The following NOX3 variants were observed in gnomAD, a reference collection of about 807,000 sequenced individuals.
The protein encoded by NOX3 is NADPH oxidase 3.
NOX3 carries 74 observed loss-of-function variants against 76.7 expected under a neutral mutation model. That is an observed-to-expected ratio of 0.96 (90% CI 0.80 to 1.17). The LOEUF (loss-of-function observed/expected upper bound fraction) is 1.17, where lower values mean the gene tolerates loss of function less well. Ranked by LOEUF, NOX3 falls within the 50% of genes most tolerant of loss-of-function variation. The pLI, the probability that NOX3 is intolerant of heterozygous loss-of-function variation, is 0.00. For missense variants in NOX3, 695 were observed against 703.3 expected (o/e 0.99, Z 0.13); for synonymous variants, 263 against 261.1 (o/e 1.01, Z -0.07).
At chr6:155,426,227 C>T (rs1776753145) in intron 9 of NOX3, among the ~76,000 whole-genome samples, 1 of 152,190 alleles carries the variant, frequency 6.6e-6, no homozygotes, top group Non-Finnish European at 1.5e-5. Flanking sequence ...TGGAGGGAAG[C>T]AGCTCTGTTT....
chr6:155,417,854 G>C (rs1183361302), intron 10 of NOX3, among the ~76,000 whole-genome samples: 1 of 151,732 alleles, frequency 6.6e-6, no homozygotes, highest in African/African-American at 2.4e-5. Context: ...CTTTTTATTT[G>C]AATTATCTGT....
chr6:155,431,412 A>G (rs1413987241), intron 7 of NOX3, among the ~76,000 whole-genome samples: 1 of 105,006 alleles, frequency 9.5e-6, no homozygotes, highest in Non-Finnish European at 1.8e-5. Context: ...ATAAACACAG[A>G]AACACACACA....
chr6:155,445,863 CAT>C (rs1186172375), intron 4 of NOX3, among the ~76,000 whole-genome samples: 6 of 69,284 alleles, frequency 8.7e-5, no homozygotes, highest in South Asian at 6.7e-4. Flanking sequence ...TCTCTGCTGA[CAT>C]ATACATATAT....
intron 4 of NOX3, among the ~76,000 whole-genome samples, chr6:155,449,720 G>A (rs777100025): frequency 1.3e-4 from 20 of 152,194 alleles, no homozygotes; most frequent in Non-Finnish European, 2.9e-4. Flanking sequence ...TCAGCTTACA[G>A]GGGAACGGAT....
intron 4 of NOX3, among the ~76,000 whole-genome samples, chr6:155,447,973 G>C (rs1231867302): frequency 3.9e-5 from 6 of 152,140 alleles, no homozygotes; most frequent in Non-Finnish European, 7.3e-5. Context: ...TGCTGTTTAT[G>C]TTACAGGGAC....
At chr6:155,439,168 T>C (rs992740183) in intron 6 of NOX3, among the ~76,000 whole-genome samples, 4 of 152,164 alleles carry the variant, frequency 2.6e-5, no homozygotes, top group African/African-American at 9.7e-5. Flanking sequence ...AAGTTGATCA[T>C]GTATATGAAT....
At chr6:155,450,941 T>C in intron 4 of NOX3, among the ~76,000 whole-genome samples, 1 of 152,158 alleles carries the variant, frequency 6.6e-6, no homozygotes, top group East Asian at 1.9e-4. Flanking sequence ...AACTTCCAAC[T>C]AACTCTGATC....
chr6:155,437,463 A>G (rs965674750), intron 6 of NOX3, among the ~76,000 whole-genome samples: 4 of 152,216 alleles, frequency 2.6e-5, no homozygotes, highest in Admixed American at 2.0e-4. Flanking sequence ...CATGGGAGGA[A>G]GGAGCAGTAA....
intron 10 of NOX3, among the ~76,000 whole-genome samples, chr6:155,411,921 C>G (rs143273558): frequency 6.6e-6 from 1 of 152,180 alleles, no homozygotes; most frequent in East Asian, 1.9e-4. Context: ...TGGTGGGTGG[C>G]GGCTGTGCCT....
At chr6:155,404,331 T>A (rs1452091975) in intron 12 of NOX3, among the ~76,000 whole-genome samples, 1 of 151,968 alleles carries the variant, frequency 6.6e-6, no homozygotes, top group Non-Finnish European at 1.5e-5. Context: ...CAGGGCTGGG[T>A]GTGGAGCAGG....
chr6:155,423,690 CA>C (rs1485161588), intron 9 of NOX3, among the ~76,000 whole-genome samples: 1 of 151,884 alleles, frequency 6.6e-6, no homozygotes, highest in Non-Finnish European at 1.5e-5. Context: ...CATGCGATAC[CA>C]TTTTCCCTTG....
chr6:155,454,794 G>A lies in NOX3; in HGVS notation c.255+17C>T. The A allele has an allele frequency of 7.2e-7, 1 of 1,385,884 alleles. No individual in the cohort carries two copies. Among genetic ancestry groups the A allele is most frequent in the Non-Finnish European group, 1.0e-6 (1 of 1,000,728 alleles). 85.8% of individuals were successfully genotyped at this position (1,385,884 alleles called of 1,614,324 possible). On this transcript the variant is annotated intron_variant, in intron 3 of 13. Transcript: ENST00000159060. ...AGTCGTAACAGTTGAGATTATTTCA[G>A]ATATTTTAGTACTTACAATACTTGT...
chr6:155,428,597 T>C (rs1483969718), intron 9 of NOX3, among the ~76,000 whole-genome samples, 197 bp downstream of exon 9: 3 of 151,380 alleles, frequency 2.0e-5, no homozygotes, highest in East Asian at 1.9e-4. Context: ...TTTTTTTTTT[T>C]TTTTTTTTAC....
intron 10 of NOX3, among the ~76,000 whole-genome samples, chr6:155,412,257 A>G (rs908028114): frequency 5.9e-5 from 9 of 152,158 alleles, no homozygotes; most frequent in Non-Finnish European, 1.2e-4. Flanking sequence ...CCCCACCTGG[A>G]AATACCTCAT....
intron 7 of NOX3, among the ~76,000 whole-genome samples, 169 bp from the exon 8 acceptor site, chr6:155,431,104 T>C (rs1776826902): frequency 1.3e-5 from 2 of 152,224 alleles, no homozygotes; most frequent in Non-Finnish European, 2.9e-5. Flanking sequence ...TACTATAACA[T>C]TCAATTATTT....
chr6:155,453,259 A>G, intron 4 of NOX3, 145 bp downstream of exon 4: 4 of 655,972 alleles, frequency 6.1e-6, no homozygotes, highest in Non-Finnish European at 1.1e-5. Context: ...GTAAAAACCC[A>G]TTTGTGTAAG....
At chr6:155,411,716 A>G (rs1206800102) in intron 10 of NOX3, among the ~76,000 whole-genome samples, 2 of 152,224 alleles carry the variant, frequency 1.3e-5, no homozygotes, top group East Asian at 3.9e-4. Flanking sequence ...ATAAACCGTT[A>G]GACCAACCCC....
chr6:155,444,553 A>T (rs1777035847), intron 4 of NOX3, among the ~76,000 whole-genome samples: 2 of 152,242 alleles, frequency 1.3e-5, no homozygotes, highest in Admixed American at 1.3e-4. Flanking sequence ...AGGAAAGGAA[A>T]AAAACTGTAT....
Position 155,396,951 on chromosome 6 carries a change from C to T in NOX3, c.1592G>A (p.Gly531Asp). The T allele has an allele frequency of 6.2e-7, 1 of 1,609,452 alleles. No individual in the cohort carries two copies. The highest frequency in any genetic ancestry group is 8.5e-7 in the Non-Finnish European group (1 of 1,178,168). ...AGCTTTAGGTCCACAGAAGAACACG[C>T]CAATACTGCTGCTGCAGTAGGGGTA... ...IAYNHPSSSI[G>D]VFFCGPKALS... Residue 531 changes from glycine (G) to aspartate (D), a missense_variant, in exon 13 of 14, where the codon GGC (glycine) becomes GAC (aspartate). Coordinates refer to ENST00000159060, the MANE Select transcript of NOX3 (RefSeq NM_015718.3).
Sources: allele counts gnomAD v4.1 joint callset (sites outside exome capture counted in the v4.1 genomes callset), GRCh38; gene constraint gnomAD v4.1.1; transcripts MANE v1.5; gene names NCBI Gene and HGNC (gene_info 2026-07-23, HGNC 2026-07-21).